Variants in ASPH observed in about 807,000 individuals in gnomAD.
The protein encoded by ASPH is aspartate beta-hydroxylase.
ASPH carries 100 observed loss-of-function variants against 118.4 expected under a neutral mutation model. The observed-to-expected ratio is 0.84, with a 90% CI of 0.72 to 1.00. The LOEUF (loss-of-function observed/expected upper bound fraction) is 1.00. Ranked by LOEUF, ASPH falls within the 50% of genes least tolerant of loss-of-function variation. ASPH has a pLI of 0.00. For synonymous variants in ASPH, 315 were observed against 325.6 expected (o/e 0.97, Z 0.35); for missense variants, 920 against 919.5 (o/e 1.00, Z -0.01).
chr8:61,633,610 A>G, intron 13 of ASPH, 73 bp downstream of exon 13: 1 of 1,273,334 alleles, frequency 7.9e-7, no homozygotes, highest in South Asian at 1.4e-5. Context: ...GATTCATTAT[A>G]AAGCTATTGG....
At chr8:61,559,349 A>G (rs1828982944) in intron 18 of ASPH, among the ~76,000 whole-genome samples, 1 of 152,146 alleles carries the variant, frequency 6.6e-6, no homozygotes. Flanking sequence ...GTTTTTGGGG[A>G]GTCAAAATGT....
intron 13 of ASPH, among the ~76,000 whole-genome samples, chr8:61,626,911 C>A: frequency 6.6e-6 from 1 of 151,676 alleles, no homozygotes. Context: ...ATTTGTGTTA[C>A]AATTAAACTA....
intron 3 of ASPH, chr8:61,656,521 C>A (rs1813757206): frequency 1.3e-5 from 2 of 152,172 alleles, no homozygotes; most frequent in Admixed American, 6.5e-5. Context: ...AGGACTGGGA[C>A]CCACTTCCAT....
intron 21 of ASPH, among the ~76,000 whole-genome samples, chr8:61,538,686 G>A (rs1341132560): frequency 1.3e-5 from 2 of 152,196 alleles, no homozygotes; most frequent in African/African-American, 4.8e-5. Context: ...GTGACAGAGT[G>A]CTATTCTAAT....
chr8:61,683,419 G>A (rs1829089328), intron 2 of ASPH: 1 of 152,034 alleles, frequency 6.6e-6, no homozygotes, highest in Non-Finnish European at 1.5e-5. Flanking sequence ...AAAAACTTCA[G>A]TGATTACAGA....
At chr8:61,606,999 C>G in intron 14 of ASPH, 1 of 374,336 alleles carries the variant, frequency 2.7e-6, no homozygotes, top group Non-Finnish European at 4.8e-6. Context: ...TGTCATCGCT[C>G]CATGAAGACT....
In ASPH at chr8:61,714,556, T is replaced by A; in HGVS notation, c.-185A>T. Reference sequence around the variant, plus strand: ...GGGAAGACTTCACCCGCCTGCCGGCTGCGCGCGCCCGGCCTCGCGTGTACG... The same window carrying A: ...GGGAAGACTTCACCCGCCTGCCGGCAGCGCGCGCCCGGCCTCGCGTGTACG... On this transcript the variant is annotated 5_prime_UTR_variant, in exon 1 of 25. Transcript: ENST00000379454. 1 of 925,092 alleles carries A rather than the reference T, an allele frequency of 1.1e-6. No individual in the cohort carries two copies. The highest frequency in any genetic ancestry group is 1.4e-6 in the Non-Finnish European group (1 of 698,494). The allele number at this position is 925,092 out of a possible 1,614,324, so 57.3% of individuals were successfully genotyped here. A position where few individuals can be genotyped will look rare whatever the true frequency, so the allele number is the denominator to read the frequency against.
intron 1 of ASPH, among the ~76,000 whole-genome samples, chr8:61,684,945 G>A (rs1829835159): frequency 6.6e-6 from 1 of 151,788 alleles, no homozygotes; most frequent in Non-Finnish European, 1.5e-5. Flanking sequence ...CCATAAAAAG[G>A]AATATAATAC....
intron 21 of ASPH, among the ~76,000 whole-genome samples, chr8:61,542,143 A>G (rs970321901): frequency 3.7e-4 from 56 of 152,210 alleles, no homozygotes; most frequent in African/African-American, 1.3e-3. Flanking sequence ...TTTCATGTGG[A>G]CCTGAATTGG....
chr8:61,501,996 A>G lies in ASPH; in HGVS notation c.*1363T>C, dbSNP rs1272315020. 1 of 152,218 alleles carries G rather than the reference A, an allele frequency of 6.6e-6. No homozygotes were observed. Among genetic ancestry groups the G allele is most frequent in the Non-Finnish European group, 1.5e-5 (1 of 68,032 alleles). 9.4% of individuals were successfully genotyped at this position (152,218 alleles called of 1,614,324 possible). On this transcript the variant is annotated 3_prime_UTR_variant, in exon 25 of 25. Transcript: ENST00000379454. Reference sequence around the variant, plus strand: ...TAGAATTCAGTGCATGAATATCATTACATTCTTATATCTAACATTCCTAGT... The same window carrying G: ...TAGAATTCAGTGCATGAATATCATTGCATTCTTATATCTAACATTCCTAGT...
intron 10 of ASPH, among the ~76,000 whole-genome samples, chr8:61,641,235 C>T (rs1173010753): frequency 1.3e-5 from 2 of 152,050 alleles, no homozygotes; most frequent in Admixed American, 6.6e-5. Context: ...ACATTCTTTT[C>T]GCATGGTATC....
At chr8:61,548,274 A>G (rs1253292074) in intron 20 of ASPH, 66 bp from the exon 21 acceptor site, 1 of 1,484,022 alleles carries the variant, frequency 6.7e-7, no homozygotes, top group Non-Finnish European at 9.0e-7. Context: ...TAATTTTAAA[A>G]TTGAAAACAT....
At chr8:61,689,288 T>C (rs1016132845) in intron 1 of ASPH, among the ~76,000 whole-genome samples, 1 of 152,166 alleles carries the variant, frequency 6.6e-6, no homozygotes, top group Non-Finnish European at 1.5e-5. Context: ...TGTTCATTAA[T>C]ATGAGACTGA....
chr8:61,675,953 T>C, intron 3 of ASPH: 9 of 1,512,214 alleles, frequency 6.0e-6, no homozygotes, highest in South Asian at 1.3e-5. Flanking sequence ...CATGGTTGAC[T>C]TGCACGGTAA....
At chr8:61,687,819 T>G (rs1163480787) in intron 1 of ASPH, 4 of 152,216 alleles carry the variant, frequency 2.6e-5, no homozygotes, top group Non-Finnish European at 5.9e-5. Flanking sequence ...TAGAATATAT[T>G]ATCAGCAATA....
At chr8:61,525,723 A>G (rs1247283400) in intron 22 of ASPH, among the ~76,000 whole-genome samples, 2 of 151,996 alleles carry the variant, frequency 1.3e-5, no homozygotes, top group East Asian at 3.8e-4. Flanking sequence ...AAAAATCAGA[A>G]CACTATTCAT....
At chr8:61,687,507 C>G (rs1418720728) in intron 1 of ASPH, 2 of 152,124 alleles carry the variant, frequency 1.3e-5, no homozygotes, top group African/African-American at 4.8e-5. Context: ...ACAATCTAAC[C>G]CAATGAGTCA....
intron 1 of ASPH, among the ~76,000 whole-genome samples, chr8:61,707,859 T>C (rs907520202): frequency 2.0e-5 from 3 of 152,206 alleles, no homozygotes; most frequent in Non-Finnish European, 4.4e-5. Context: ...TATATACATA[T>C]ATGTGTGTGT....
At chr8:61,663,171 C>T in intron 3 of ASPH, 1 of 985,360 alleles carries the variant, frequency 1.0e-6, no homozygotes. Context: ...GGGACATGTT[C>T]TGCTTCTTCT....
Sources: gnomAD v4.1 joint callset for allele counts (sites outside exome capture counted in the v4.1 genomes callset) on GRCh38, gnomAD v4.1.1 for gene constraint, MANE v1.5 for transcripts, NCBI Gene and HGNC (gene_info 2026-07-23, HGNC 2026-07-21) for gene names.